CGNL1: variants seen among roughly 807,000 people sequenced by gnomAD.
CGNL1 encodes the protein cingulin like 1, also known as cingulin-like protein 1.
In CGNL1, 132 loss-of-function variants were observed where a neutral mutation model predicts 141.2. The observed-to-expected ratio is 0.93, with a 90% CI of 0.81 to 1.08. The LOEUF (loss-of-function observed/expected upper bound fraction) is 1.08, where lower values mean the gene tolerates loss of function less well. Among genes scored for constraint, CGNL1 ranks in the 50% least tolerant of loss-of-function variants. The pLI is 0.00. For synonymous variants in CGNL1, 690 were observed against 622.1 expected (o/e 1.11, Z -1.63); for missense variants, 1,870 against 1,588.6 (o/e 1.18, Z -3.01).
chr15:57,456,745 G>A (rs901160455), intron 7 of CGNL1, among the ~76,000 whole-genome samples: 5 of 151,992 alleles, frequency 3.3e-5, no homozygotes, highest in South Asian at 4.2e-4. Flanking sequence ...GAGACAGCTC[G>A]CTAAGTGCCA....
intron 1 of CGNL1, among the ~76,000 whole-genome samples, chr15:57,414,360 C>T (rs563457414): frequency 2.2e-4 from 33 of 152,278 alleles, no homozygotes; most frequent in Admixed American, 5.9e-4. Flanking sequence ...ATCTGAGAGT[C>T]GAGGATCCCA....
intron 1 of CGNL1, among the ~76,000 whole-genome samples, chr15:57,393,098 A>G (rs759686395): frequency 5.3e-5 from 8 of 152,234 alleles, no homozygotes; most frequent in Non-Finnish European, 1.2e-4. Context: ...GAGGGGAGGT[A>G]GAGTACTACC....
intron 13 of CGNL1, among the ~76,000 whole-genome samples, chr15:57,529,557 GAAACACACACAC>G (rs2031830245): frequency 1.2e-5 from 1 of 80,284 alleles, no homozygotes; most frequent in Non-Finnish European, 2.2e-5. Flanking sequence ...CTAACCCCCA[GAAACACACACAC>G]ACACACACAC....
chr15:57,545,488 G>A lies in CGNL1; in HGVS notation c.3501-104G>A, dbSNP rs577662344. The A allele has an allele frequency of 1.4e-5, 14 of 967,666 alleles. No homozygotes were observed. The African/African-American group carries it at 1.9e-4, about 13-fold the overall frequency. 59.9% of individuals were successfully genotyped at this position (967,666 alleles called of 1,614,324 possible). ...TTTCCCTGACCCTAAGCCTTGAGCT[G>A]ACCAGGCACCCCTGGCTGGAGCTTC... is the stretch of plus-strand genomic sequence containing the variant. On this transcript the variant is annotated intron_variant, in intron 16 of 18. Coordinates refer to ENST00000281282, the MANE Select transcript of CGNL1 (RefSeq NM_032866.5).
At chr15:57,469,627 A>G (rs1308382017) in intron 8 of CGNL1, among the ~76,000 whole-genome samples, 1 of 152,058 alleles carries the variant, frequency 6.6e-6, no homozygotes, top group Non-Finnish European at 1.5e-5. Context: ...TGTTCCTCAT[A>G]CTGTAAATTC....
chr15:57,539,413 C>G (rs1485570900), intron 14 of CGNL1, among the ~76,000 whole-genome samples: 1 of 152,112 alleles, frequency 6.6e-6, no homozygotes, highest in Non-Finnish European at 1.5e-5. Context: ...TGTGACACTC[C>G]CTTCTCGATG....
intron 8 of CGNL1, among the ~76,000 whole-genome samples, chr15:57,495,231 G>T (rs779140106): frequency 1.3e-5 from 2 of 152,084 alleles, no homozygotes; most frequent in Non-Finnish European, 2.9e-5. Context: ...CAACTCATTT[G>T]CATGGTATCA....
intron 8 of CGNL1, among the ~76,000 whole-genome samples, chr15:57,468,065 G>T (rs1361212159): frequency 6.6e-6 from 1 of 152,090 alleles, no homozygotes; most frequent in Non-Finnish European, 1.5e-5. Context: ...AATCCACTTT[G>T]TTGGGGGAAG....
At chr15:57,414,019 C>G (rs1165629410) in intron 1 of CGNL1, among the ~76,000 whole-genome samples, 2 of 152,174 alleles carry the variant, frequency 1.3e-5, no homozygotes, top group East Asian at 3.8e-4. Context: ...CTTAAAGCCT[C>G]AAGTGACTTG....
At chr15:57,473,811 C>T (rs1428480223) in intron 8 of CGNL1, among the ~76,000 whole-genome samples, 1 of 151,536 alleles carries the variant, frequency 6.6e-6, no homozygotes, top group African/African-American at 2.4e-5. Context: ...TGACTATAAC[C>T]TTGACTAACA....
At chr15:57,460,922 G>A (rs1465117111) in intron 7 of CGNL1, among the ~76,000 whole-genome samples, 3 of 152,160 alleles carry the variant, frequency 2.0e-5, no homozygotes, top group African/African-American at 4.8e-5. Context: ...GTGCAGAGAG[G>A]GGTTGAGGTG....
intron 14 of CGNL1, among the ~76,000 whole-genome samples, chr15:57,539,920 A>G (rs28609908): frequency 0.013 from 1,977 of 152,280 alleles, 41 homozygotes; most frequent in African/African-American, 0.045. Flanking sequence ...AACACTGCCT[A>G]CCTCATTGGT....
chr15:57,415,227 A>T (rs1249070319), intron 1 of CGNL1, among the ~76,000 whole-genome samples: 1 of 152,228 alleles, frequency 6.6e-6, no homozygotes, highest in Non-Finnish European at 1.5e-5. Context: ...CCCAATTCCT[A>T]ATCCTGGAAT....
At chr15:57,417,408 AT>A (rs1480761354) in intron 1 of CGNL1, among the ~76,000 whole-genome samples, 3 of 151,850 alleles carry the variant, frequency 2.0e-5, no homozygotes, top group Non-Finnish European at 4.4e-5. Context: ...TAATTTTTGT[AT>A]TTTTAGTAGA....
chr15:57,438,388 T>C lies in CGNL1; in HGVS notation c.389T>C (p.Leu130Pro). 1 of 1,614,218 alleles carries C rather than the reference T, an allele frequency of 6.2e-7. No homozygotes were observed. Among genetic ancestry groups the C allele is most frequent in the Non-Finnish European group, 8.5e-7 (1 of 1,180,034 alleles). Residue 130 changes from leucine (L) to proline (P), a missense_variant, in exon 2 of 19, where the codon CTA (leucine) becomes CCA (proline). Coordinates refer to ENST00000281282, the MANE Select transcript of CGNL1 (RefSeq NM_032866.5). ...CTCCATGAGGGCAAGAATGGAGTTCTAGATCGCAAAGACGGGTCTGTGAAG... is the reference window on the plus strand; with the variant it reads ...CTCCATGAGGGCAAGAATGGAGTTCCAGATCGCAAAGACGGGTCTGTGAAG... ...PLLHEGKNGV[L>P]DRKDGSVKPS... is the part of the protein sequence containing the mutation.
chr15:57,416,007 G>C (rs1390918546), intron 1 of CGNL1, among the ~76,000 whole-genome samples: 1 of 152,112 alleles, frequency 6.6e-6, no homozygotes, highest in African/African-American at 2.4e-5. Context: ...CCTCCTCTCT[G>C]AGACTGAACC....
At chr15:57,380,351 C>T (rs1480073666) in intron 1 of CGNL1, among the ~76,000 whole-genome samples, 1 of 152,160 alleles carries the variant, frequency 6.6e-6, no homozygotes, top group Non-Finnish European at 1.5e-5. Context: ...GCCCCTGTTA[C>T]TAGCAAAAGC....
Position 57,528,652 on chromosome 15 carries a change from A to G in CGNL1, c.3040-2A>G, listed in dbSNP as rs974863518. 1.9e-6 allele frequency: 3 copies of G among 1,613,798 alleles called. No homozygotes were observed. Among genetic ancestry groups the G allele is most frequent in the African/African-American group, 2.7e-5 (2 of 74,898 alleles). ...AACCATCCCAGCTGTCTCTCCTCCT[A>G]GATGCGTCTGATGGAGGAAGAGTTA... On this transcript the variant is annotated splice_acceptor_variant, in intron 12 of 18. Coordinates refer to ENST00000281282, the MANE Select transcript of CGNL1 (RefSeq NM_032866.5). LOFTEE classifies it high-confidence loss of function.
chr15:57,523,574 G>C lies in CGNL1; in HGVS notation c.2801G>C (p.Arg934Thr), dbSNP rs1193557390. ...EESEQKEQLRRLKNEMENERW... is the reference protein window; with the variant it reads ...EESEQKEQLRTLKNEMENERW... ...AGTGAGCAGAAGGAGCAGCTAAGAA[G>C]GTTGAAGAACGAGATGGAGAATGAG... The change falls in exon 11 of 19, where the codon AGG becomes ACG. Residue 934 changes from arginine to threonine, a missense_variant. By Grantham distance (71) the Arg-to-Thr change is moderately conservative. Transcript: ENST00000281282. The C allele has an allele frequency of 1.2e-6, 2 of 1,614,186 alleles. No individual in the cohort carries two copies. Among genetic ancestry groups the C allele is most frequent in the East Asian group, 4.5e-5 (2 of 44,878 alleles).
Sources: gnomAD v4.1 joint callset for allele counts (sites outside exome capture counted in the v4.1 genomes callset) on GRCh38, gnomAD v4.1.1 for gene constraint, MANE v1.5 for transcripts, NCBI Gene and HGNC (gene_info 2026-07-23, HGNC 2026-07-21) for gene names.